TRA2A: variants seen among roughly 807,000 people sequenced by gnomAD.
TRA2A encodes transformer-2 protein homolog alpha.
Under a neutral mutation model 45.7 loss-of-function variants are expected in TRA2A, and 31 were observed. The observed-to-expected ratio is 0.68, with a 90% CI of 0.51 to 0.92. The LOEUF is 0.92. Ranked by LOEUF, TRA2A falls within the 40% of genes least tolerant of loss-of-function variation. The probability of loss-of-function intolerance (pLI) is 0.00; values close to 1 mark genes in which losing one functional copy is unlikely to be tolerated. For synonymous variants in TRA2A, 132 were observed against 126.2 expected (o/e 1.05, Z -0.31); for missense variants, 304 against 367.5 (o/e 0.83, Z 1.41).
intron 4 of TRA2A, among the ~76,000 whole-genome samples, chr7:23,509,212 T>C (rs1342153256): frequency 2.0e-5 from 3 of 152,104 alleles, no homozygotes; most frequent in Non-Finnish European, 4.4e-5. Context: ...ACATCTTCCA[T>C]TTGAAGTTCC....
At position 23,531,889 on chromosome 7, in the gene TRA2A, T is replaced by C. The variant is rs1790603317; in HGVS notation, c.-65A>G. 5 of 1,572,196 alleles carry C rather than the reference T, an allele frequency of 3.2e-6. No homozygotes were observed. The highest frequency in any genetic ancestry group is 3.5e-6 in the Non-Finnish European group (4 of 1,146,292). On this transcript the variant is annotated 5_prime_UTR_variant, in exon 1 of 8. Transcript: ENST00000297071. The stretch of plus-strand genomic sequence containing the variant: ...CTCGGCTCGAGGGCCGATGGCCTAA[T>C]TAACCCGCTGACTGGACCGTGGGGA...
rs368941631 is a variant in TRA2A, at chr7:23,521,760, T to C, written c.117A>G (p.Pro39=). 7.4e-5 allele frequency: 120 copies of C among 1,614,070 alleles called. No homozygotes were observed. The highest frequency in any genetic ancestry group is 9.8e-5 in the Non-Finnish European group (116 of 1,180,030). The change falls in exon 2 of 8, where the codon CCA becomes CCG. Residue 39 remains proline (P), a synonymous_variant. Coordinates refer to ENST00000297071, the MANE Select transcript of TRA2A (RefSeq NM_013293.5). ...KSESRSGSRS[P]SRVSKHSESH... ...ATTCAGAGTGTTTGGAAACCCTTGA[T>C]GGACTACGAGATCCTGACCTGCTCT...
At position 23,517,732 on chromosome 7, in the gene TRA2A, T is replaced by C. The variant is rs189959817; in HGVS notation, c.171-1204A>G. 3.5e-4 allele frequency among the ~76,000 whole-genome samples: 52 copies of C among 150,600 alleles called. No individual in the cohort carries two copies. The East Asian group carries it at 9.8e-3, about 28-fold the overall frequency. On this transcript the variant is annotated intron_variant, in intron 2 of 7. Transcript: ENST00000297071. The stretch of plus-strand genomic sequence containing the variant: ...ATCGAGACCATCCTCGCCAACATGG[T>C]AAAACCCTGTCTCTACTAAAAATAC...
intron 1 of TRA2A, among the ~76,000 whole-genome samples, chr7:23,525,682 A>G (rs1364850517): frequency 6.6e-6 from 1 of 151,982 alleles, no homozygotes; most frequent in Admixed American, 6.6e-5. Context: ...GCAACCTCCA[A>G]CTCCTGGGTT....
chr7:23,512,498 G>C, intron 4 of TRA2A, among the ~76,000 whole-genome samples: 1 of 151,754 alleles, frequency 6.6e-6, no homozygotes. Flanking sequence ...TCACTGTGTC[G>C]CCCAGGCTGG....
intron 1 of TRA2A, 117 bp from the exon 2 acceptor site, chr7:23,521,957 C>T (rs1790156148): frequency 6.9e-7 from 1 of 1,459,466 alleles, no homozygotes; most frequent in Non-Finnish European, 9.1e-7. Context: ...GGTTAGACAA[C>T]ACCCTCCAGA....
At chr7:23,517,503 A>AAAAAAAAAGAG (rs764849438) in intron 2 of TRA2A, among the ~76,000 whole-genome samples, 9 of 116,204 alleles carry the variant, frequency 7.7e-5, no homozygotes, top group Admixed American at 1.0e-4. Flanking sequence ...AAAAAAAAAA[A>AAAAAAAAAGAG]AGAGAGAAAG....
intron 4 of TRA2A, among the ~76,000 whole-genome samples, chr7:23,510,489 C>T (rs1174342776): frequency 7.0e-6 from 1 of 143,222 alleles, no homozygotes; most frequent in Admixed American, 6.9e-5. Context: ...TGCCACAATG[C>T]CCGGCTAATT....
chr7:23,525,593 G>A (rs1790308842), intron 1 of TRA2A, among the ~76,000 whole-genome samples: 1 of 152,150 alleles, frequency 6.6e-6, no homozygotes, highest in Admixed American at 6.5e-5. Flanking sequence ...TGCTTTAACA[G>A]GTTTTTGTTT....
chr7:23,529,205 G>T (rs1306612683), intron 1 of TRA2A, among the ~76,000 whole-genome samples: 4 of 152,262 alleles, frequency 2.6e-5, no homozygotes, highest in African/African-American at 9.6e-5. Flanking sequence ...GACATGCAAA[G>T]CCACCGCTTA....
At chr7:23,511,618 T>TCA (rs1473821244) in intron 4 of TRA2A, among the ~76,000 whole-genome samples, 1 of 151,986 alleles carries the variant, frequency 6.6e-6, no homozygotes, top group Non-Finnish European at 1.5e-5. Flanking sequence ...GTATGGTGGT[T>TCA]CACATCAGTA....
intron 6 of TRA2A, 125 bp from the exon 7 acceptor site, chr7:23,505,938 C>A (rs914150166): frequency 2.9e-6 from 2 of 699,780 alleles, no homozygotes; most frequent in East Asian, 2.7e-5. Flanking sequence ...ATATTAAGTT[C>A]TCTTTCTGCC....
At chr7:23,520,477 A>G (rs1790086217) in intron 2 of TRA2A, among the ~76,000 whole-genome samples, 1 of 152,192 alleles carries the variant, frequency 6.6e-6, no homozygotes, top group Non-Finnish European at 1.5e-5. Context: ...AATAAATTTA[A>G]TAACTGAGTA....
At chr7:23,508,835 G>A (rs1212142110) in intron 4 of TRA2A, among the ~76,000 whole-genome samples, 1 of 152,032 alleles carries the variant, frequency 6.6e-6, no homozygotes, top group Non-Finnish European at 1.5e-5. Flanking sequence ...TGTTGCCCAG[G>A]CTGGTCTCTT....
intron 1 of TRA2A, among the ~76,000 whole-genome samples, chr7:23,524,748 G>A (rs1790272146): frequency 6.6e-6 from 1 of 150,614 alleles, no homozygotes; most frequent in African/African-American, 2.4e-5. Context: ...GGAGTACAGT[G>A]GCACCTGATC....
Position 23,505,085 on chromosome 7 carries a change from T to C in TRA2A, c.*474A>G, listed in dbSNP as rs1020080843. On this transcript the variant is annotated 3_prime_UTR_variant, in exon 8 of 8. Transcript: ENST00000297071. ...TCATCTCTAAAAAAAAACTTTCAAC[T>C]ACCTGACTGTTCCATTCCACCCCAG... is the stretch of plus-strand genomic sequence containing the variant. The C allele has an allele frequency of 2.0e-5, 3 of 153,592 alleles. No individual in the cohort carries two copies. The highest frequency in any genetic ancestry group is 7.2e-5 in the African/African-American group (3 of 41,460). 9.5% of individuals were successfully genotyped at this position (153,592 alleles called of 1,614,324 possible).
At position 23,506,134 on chromosome 7, in the gene TRA2A, T is replaced by G; in HGVS notation, c.770+4A>C. The stretch of plus-strand genomic sequence containing the variant: ...AGAACAGAAAGCTCAAGTTAAAACA[T>G]TACCTGTATCGGTAATCATAGTCTT... On this transcript the variant is annotated splice_donor_region_variant and intron_variant, in intron 6 of 7. Coordinates refer to ENST00000297071, the MANE Select transcript of TRA2A (RefSeq NM_013293.5). 1.9e-6 allele frequency: 3 copies of G among 1,603,144 alleles called. No individual in the cohort carries two copies. Among genetic ancestry groups the G allele is most frequent in the Non-Finnish European group, 2.6e-6 (3 of 1,172,388 alleles).
intron 3 of TRA2A, among the ~76,000 whole-genome samples, chr7:23,513,972 T>C (rs1469640820): frequency 2.0e-5 from 3 of 152,128 alleles, no homozygotes; most frequent in Admixed American, 2.0e-4. Context: ...CTAATGCTTG[T>C]TTGGACCAGT....
intron 6 of TRA2A, 132 bp downstream of exon 6, chr7:23,506,006 T>C: frequency 4.7e-6 from 4 of 853,906 alleles, no homozygotes; most frequent in South Asian, 3.9e-5. Context: ...GACTGCTAAC[T>C]TCTGCTCCCA....
Sources: gnomAD v4.1 joint callset for allele counts (sites outside exome capture counted in the v4.1 genomes callset) on GRCh38, gnomAD v4.1.1 for gene constraint, MANE v1.5 for transcripts, NCBI Gene and HGNC (gene_info 2026-07-23, HGNC 2026-07-21) for gene names.